The following BRD7 variants were observed in gnomAD, a reference collection of about 807,000 sequenced individuals.
The protein encoded by BRD7 is bromodomain-containing protein 7.
BRD7 carries 15 observed loss-of-function variants against 82.1 expected under a neutral mutation model. That is an observed-to-expected ratio of 0.18 (90% confidence interval 0.12 to 0.28). The LOEUF is 0.28. Among genes scored for constraint, BRD7 ranks in the 10% least tolerant of loss-of-function variants. The probability of loss-of-function intolerance (pLI) is 1.00; values close to 1 mark genes in which losing one functional copy is unlikely to be tolerated. For missense variants in BRD7, 638 were observed against 779.9 expected (o/e 0.82, Z 2.17); for synonymous variants, 232 against 266.9 (o/e 0.87, Z 1.27).
chr16:50,354,908 C>G lies in BRD7; in HGVS notation c.273G>C (p.Lys91Asn), dbSNP rs748258872. 1.2e-6 allele frequency: 2 copies of G among 1,613,848 alleles called. No homozygotes were observed. The highest frequency in any genetic ancestry group is 1.7e-6 in the Non-Finnish European group (2 of 1,179,962). ...CATTCTCCACCCGGTCTCGATCTCGCTTCTTTTTATCCTCCTAAATGGAAC... is the reference window on the plus strand; with the variant it reads ...CATTCTCCACCCGGTCTCGATCTCGGTTCTTTTTATCCTCCTAAATGGAAC... The part of the protein sequence containing the change: ...KRRRVKEDKK[K>N]RDRDRVENEA... The change falls in exon 3 of 17, where the codon AAG becomes AAC. Residue 91 changes from lysine to asparagine, a missense_variant. Coordinates refer to ENST00000394688, the MANE Select transcript of BRD7 (RefSeq NM_013263.5).
Position 50,368,141 on chromosome 16 carries a change from T to C in BRD7, c.207A>G (p.Gly69=). ...TTTCTTCCCCTGGAATCTGCTTCTC[T>C]CCTTTCTTTCTCTTTTTCCGCTTTC... The part of the protein sequence containing the change: ...KDRKRKKRKK[G]EKQIPGEEKG... The change falls in exon 2 of 17, where the codon GGA becomes GGG. Residue 69 remains glycine, a synonymous_variant. Coordinates refer to ENST00000394688, the MANE Select transcript of BRD7 (RefSeq NM_013263.5). 2 of 1,614,070 alleles carry C rather than the reference T, an allele frequency of 1.2e-6. No homozygotes were observed. Among genetic ancestry groups the C allele is most frequent in the Non-Finnish European group, 1.7e-6 (2 of 1,179,936 alleles).
At chr16:50,337,668 A>G (rs1257403023) in intron 6 of BRD7, among the ~76,000 whole-genome samples, 1 of 152,236 alleles carries the variant, frequency 6.6e-6, no homozygotes, top group Non-Finnish European at 1.5e-5. Flanking sequence ...TGAACATTCA[A>G]AAACAGTTAT....
intron 5 of BRD7, among the ~76,000 whole-genome samples, chr16:50,341,245 A>C (rs1380537681): frequency 1.3e-5 from 2 of 151,440 alleles, no homozygotes; most frequent in East Asian, 3.9e-4. Context: ...TCTTCATGTA[A>C]TTTTAGTAGG....
chr16:50,325,637 T>C (rs2037304000), intron 11 of BRD7, 111 bp downstream of exon 11: 1 of 1,018,332 alleles, frequency 9.8e-7, no homozygotes. Flanking sequence ...AAAAAATTAC[T>C]GAGCACATTT....
In BRD7 at chr16:50,318,061, T is replaced by C. The variant is rs1371675321; in HGVS notation, c.*1150A>G. ...TAGATCTGTAACATTTGTTTCAAAATGCTGTTTCATTTTTATAAAGTACCA... is the reference window on the plus strand; with the variant it reads ...TAGATCTGTAACATTTGTTTCAAAACGCTGTTTCATTTTTATAAAGTACCA... On this transcript the variant is annotated 3_prime_UTR_variant, in exon 17 of 17. Coordinates refer to ENST00000394688, the MANE Select transcript of BRD7 (RefSeq NM_013263.5). The C allele has an allele frequency of 2.0e-5, 3 of 152,356 alleles. No individual in the cohort carries two copies. The highest frequency in any genetic ancestry group is 4.4e-5 in the Non-Finnish European group (3 of 68,036). 9.4% of individuals were successfully genotyped at this position (152,356 alleles called of 1,614,324 possible).
chr16:50,343,294 A>C (rs531941715), intron 5 of BRD7, among the ~76,000 whole-genome samples: 22 of 152,318 alleles, frequency 1.4e-4, no homozygotes, highest in Admixed American at 8.5e-4. Flanking sequence ...TTCTTGTGAT[A>C]ATGAGTCCTC....
chr16:50,316,328 AG>A lies in BRD7; in HGVS notation c.*2882del, dbSNP rs1258002536. On this transcript the variant is annotated 3_prime_UTR_variant, in exon 17 of 17. Coordinates refer to ENST00000394688, the MANE Select transcript of BRD7 (RefSeq NM_013263.5). ...AGCAGCAGAGCCTTGCCTTTGAATG[AG>A]GCAGCTTGTGAGGCAAGCATTCTGG... 4 of 152,514 alleles carry A rather than the reference AG, an allele frequency of 2.6e-5. No homozygotes were observed. Among genetic ancestry groups the A allele is most frequent in the African/African-American group, 9.6e-5 (4 of 41,574 alleles). 9.4% of individuals were successfully genotyped at this position (152,514 alleles called of 1,614,324 possible). A position where few individuals can be genotyped will look rare whatever the true frequency, so the allele number is the denominator to read the frequency against.
chr16:50,360,866 T>C (rs2038909896), intron 2 of BRD7, among the ~76,000 whole-genome samples: 1 of 152,180 alleles, frequency 6.6e-6, no homozygotes, highest in African/African-American at 2.4e-5. Context: ...TTGAGACGAC[T>C]ACCTCAGGAG....
intron 8 of BRD7, among the ~76,000 whole-genome samples, chr16:50,333,112 G>GT (rs1424570180): frequency 1.6e-4 from 24 of 152,256 alleles, no homozygotes; most frequent in Admixed American, 1.3e-3. Flanking sequence ...ACAAAATGGT[G>GT]TATGTACCCC....
At chr16:50,347,196 G>C (rs2038320303) in intron 5 of BRD7, among the ~76,000 whole-genome samples, 1 of 152,184 alleles carries the variant, frequency 6.6e-6, no homozygotes, top group African/African-American at 2.4e-5. Context: ...AAAGGCCTTT[G>C]ACAAAATTCA....
rs188624149 is a variant in BRD7, at chr16:50,336,544, A to T, written c.703-1649T>A. Among the ~76,000 whole-genome samples, 44 of 152,348 alleles carry T rather than the reference A, an allele frequency of 2.9e-4. No homozygotes were observed. The East Asian group carries it at 8.5e-3, about 29-fold the overall frequency. On this transcript the variant is annotated intron_variant, in intron 6 of 16. Transcript: ENST00000394688. Reference sequence around the variant, plus strand: ...GCCACTGCACTCCAGCCTGGGTGACAGAGTGAGACTCCGTCTCAAAAAAAC... The same window carrying T: ...GCCACTGCACTCCAGCCTGGGTGACTGAGTGAGACTCCGTCTCAAAAAAAC...
chr16:50,320,061 A>G (rs1481388465), intron 15 of BRD7, 31 bp from the exon 16 acceptor site: 20 of 1,588,656 alleles, frequency 1.3e-5, no homozygotes, highest in Middle Eastern at 1.7e-4. Context: ...CCAGATACTA[A>G]AGCATGGTTC....
rs1291797133 is a variant in BRD7 at position 50,316,277 on chromosome 16, A to C, written c.*2934T>G. On this transcript the variant is annotated 3_prime_UTR_variant, in exon 17 of 17. Coordinates refer to ENST00000394688, the MANE Select transcript of BRD7 (RefSeq NM_013263.5). Reference sequence around the variant, plus strand: ...TGGCTGTGGGGATAGAGTCCTGAGGAATGTGGTCACAGCAAGAAGGCGGGG... The same window carrying C: ...TGGCTGTGGGGATAGAGTCCTGAGGCATGTGGTCACAGCAAGAAGGCGGGG... 6.6e-6 allele frequency: 1 copy of C among 152,346 alleles called. No homozygotes were observed. Among genetic ancestry groups the C allele is most frequent in the Non-Finnish European group, 1.5e-5 (1 of 68,052 alleles). 9.4% of individuals were successfully genotyped at this position (152,346 alleles called of 1,614,324 possible). A position where few individuals can be genotyped will look rare whatever the true frequency, so the allele number is the denominator to read the frequency against.
At chr16:50,328,418 T>C (rs1210358319) in intron 9 of BRD7, among the ~76,000 whole-genome samples, 1 of 152,264 alleles carries the variant, frequency 6.6e-6, no homozygotes, top group Non-Finnish European at 1.5e-5. Flanking sequence ...GTTATGGCTT[T>C]GTTAATGGCG....
chr16:50,357,390 T>C (rs1248441483), intron 2 of BRD7, among the ~76,000 whole-genome samples: 1 of 152,240 alleles, frequency 6.6e-6, no homozygotes, highest in African/African-American at 2.4e-5. Flanking sequence ...CAGCTACCAC[T>C]GTTAGTTGGT....
chr16:50,316,278 A>C lies in BRD7; in HGVS notation c.*2933T>G, dbSNP rs1210008713. 1 of 152,376 alleles carries C rather than the reference A, an allele frequency of 6.6e-6. No homozygotes were observed. Among genetic ancestry groups the C allele is most frequent in the East Asian group, 1.9e-4 (1 of 5,340 alleles). The allele number at this position is 152,376 out of a possible 1,614,324, so 9.4% of individuals were successfully genotyped here. On this transcript the variant is annotated 3_prime_UTR_variant, in exon 17 of 17. Coordinates refer to ENST00000394688, the MANE Select transcript of BRD7 (RefSeq NM_013263.5). ...GGCTGTGGGGATAGAGTCCTGAGGA[A>C]TGTGGTCACAGCAAGAAGGCGGGGA...
intron 4 of BRD7, among the ~76,000 whole-genome samples, chr16:50,350,855 C>A (rs1330900895): frequency 6.6e-6 from 1 of 152,088 alleles, no homozygotes; most frequent in African/African-American, 2.4e-5. Flanking sequence ...GGGGAAGAAG[C>A]GGGAGGAAGA....
intron 5 of BRD7, among the ~76,000 whole-genome samples, chr16:50,345,565 T>C (rs1236647644): frequency 2.0e-5 from 3 of 152,030 alleles, no homozygotes; most frequent in Admixed American, 2.0e-4. Context: ...AATAAAGGGA[T>C]GGAGGAAGAT....
At chr16:50,367,899 T>G (rs532969620) in intron 2 of BRD7, among the ~76,000 whole-genome samples, 191 bp downstream of exon 2, 1 of 152,292 alleles carries the variant, frequency 6.6e-6, no homozygotes, top group African/African-American at 2.4e-5. Flanking sequence ...TACAATTGCC[T>G]AAGAGTATAA....
Sources: gnomAD v4.1 joint callset for allele counts (sites outside exome capture counted in the v4.1 genomes callset) on GRCh38, gnomAD v4.1.1 for gene constraint, MANE v1.5 for transcripts, NCBI Gene and HGNC (gene_info 2026-07-23, HGNC 2026-07-21) for gene names.